The following SEMA3D variants were observed in gnomAD, a reference collection of about 807,000 sequenced individuals.
SEMA3D encodes the protein semaphorin-3D.
In SEMA3D, 84 loss-of-function variants were observed where a neutral mutation model predicts 100.1. That is an observed-to-expected ratio of 0.84 (90% confidence interval 0.70 to 1.01). The LOEUF (loss-of-function observed/expected upper bound fraction) is 1.01, where lower values mean the gene tolerates loss of function less well. Ranked by LOEUF, SEMA3D falls within the 50% of genes least tolerant of loss-of-function variation. The probability of loss-of-function intolerance (pLI) is 0.00; values close to 1 mark genes in which losing one functional copy is unlikely to be tolerated. For synonymous variants in SEMA3D, 312 were observed against 320.7 expected (o/e 0.97, Z 0.29); for missense variants, 875 against 934.1 (o/e 0.94, Z 0.82).
chr7:85,041,156 C>A (rs189525131), intron 10 of SEMA3D: 1 of 154,710 alleles, frequency 6.5e-6, no homozygotes, highest in African/African-American at 2.4e-5. Context: ...CTCCTGGGTT[C>A]AAGCAATTCT....
intron 18 of SEMA3D, among the ~76,000 whole-genome samples, chr7:85,003,015 A>G (rs954701948): frequency 2.0e-5 from 3 of 152,142 alleles, no homozygotes; most frequent in Non-Finnish European, 4.4e-5. Context: ...TCTAACAAAC[A>G]CAAAATATTA....
At chr7:85,185,921 C>T (rs901471284) in intron 1 of SEMA3D, among the ~76,000 whole-genome samples, 1 of 152,190 alleles carries the variant, frequency 6.6e-6, no homozygotes, top group African/African-American at 2.4e-5. Context: ...GCGAGCCAAG[C>T]CCACTACTAC....
chr7:85,068,506 G>C (rs527835745), intron 6 of SEMA3D, among the ~76,000 whole-genome samples: 32 of 152,178 alleles, frequency 2.1e-4, no homozygotes, highest in African/African-American at 7.0e-4. Flanking sequence ...ATATAATACT[G>C]AGTGAATTTT....
chr7:85,166,259 T>G lies in SEMA3D; in HGVS notation c.-172-12520A>C, dbSNP rs10248667. Among the ~76,000 whole-genome samples, 669 of 152,134 alleles carry G rather than the reference T, an allele frequency of 4.4e-3. 2 individuals are homozygous for G. The highest frequency in any genetic ancestry group is 0.015 in the African/African-American group (643 of 41,538). On this transcript the variant is annotated intron_variant, in intron 1 of 18. Coordinates refer to ENST00000284136, the MANE Select transcript of SEMA3D (RefSeq NM_001384900.1). ...ACGATGTTGATCTTACCAAATAAAG[T>G]TTTACTAACAATGATAAAGGTTCTT...
chr7:85,070,938 G>A (rs566291535), intron 6 of SEMA3D, among the ~76,000 whole-genome samples: 26 of 152,166 alleles, frequency 1.7e-4, no homozygotes, highest in Non-Finnish European at 2.6e-4. Flanking sequence ...ATGCCACCAC[G>A]CTCGGCTACA....
chr7:85,120,674 A>AT (rs2116400337), intron 3 of SEMA3D, among the ~76,000 whole-genome samples: 1 of 152,062 alleles, frequency 6.6e-6, no homozygotes, highest in South Asian at 2.1e-4. Flanking sequence ...CTCAAAAAAA[A>AT]AAAAAAAAAG....
chr7:85,041,062 CTT>C (rs72214529), intron 10 of SEMA3D: 1,324 of 151,404 alleles, frequency 8.7e-3, no homozygotes, highest in South Asian at 0.024. Context: ...ATTAATTTGC[CTT>C]TTTTTTTTTT....
chr7:85,098,616 C>T (rs545878311), intron 3 of SEMA3D, among the ~76,000 whole-genome samples: 13 of 151,872 alleles, frequency 8.6e-5, no homozygotes, highest in South Asian at 2.1e-4. Flanking sequence ...ATAGCTTCTC[C>T]CATCATCAGC....
At chr7:85,204,108 A>G in the SEMA3D span, among the ~76,000 whole-genome samples, 8 of 139,096 alleles carry the variant, frequency 5.8e-5, no homozygotes, top group Non-Finnish European at 9.9e-5. Context: ...AATTTATAAG[A>G]AAAAAAAACA....
chr7:85,017,039 C>T (rs1014621887), intron 15 of SEMA3D, among the ~76,000 whole-genome samples: 5 of 151,616 alleles, frequency 3.3e-5, no homozygotes, highest in African/African-American at 9.7e-5. Context: ...AGCCTTCCTG[C>T]CCTTTGAACA....
chr7:85,137,256 C>T (rs1166929885), intron 2 of SEMA3D, among the ~76,000 whole-genome samples: 1 of 151,202 alleles, frequency 6.6e-6, no homozygotes, highest in Non-Finnish European at 1.5e-5. Context: ...ACATAAAAGG[C>T]ATATATGATG....
At position 85,020,279 on chromosome 7, in the gene SEMA3D, T is replaced by G; in HGVS notation, c.1457A>C (p.Lys486Thr). The change falls in exon 14 of 19, where the codon AAG becomes ACG. Residue 486 changes from lysine (K) to threonine (T), a missense_variant. Coordinates refer to ENST00000284136, the MANE Select transcript of SEMA3D (RefSeq NM_001384900.1). ...VLKVVSISKEKWNMEEVVLEE... is the reference protein window; with the variant it reads ...VLKVVSISKETWNMEEVVLEE... ...CAGCACTACCTCTTCCATATTCCAC[T>G]TTTCCTTTGAAATGCTGACAACTTT... The G allele has an allele frequency of 1.9e-6, 3 of 1,610,046 alleles. No individual in the cohort carries two copies. The highest frequency in any genetic ancestry group is 2.5e-6 in the Non-Finnish European group (3 of 1,177,320).
At chr7:85,038,706 G>T (rs1790771835) in intron 11 of SEMA3D, among the ~76,000 whole-genome samples, 1 of 152,128 alleles carries the variant, frequency 6.6e-6, no homozygotes, top group Non-Finnish European at 1.5e-5. Context: ...GGTGCCAAGA[G>T]AACTAGGATT....
Position 84,996,545 on chromosome 7 carries a change from A to T in SEMA3D, c.*2895T>A, listed in dbSNP as rs969657786. The T allele has an allele frequency of 4.6e-5, 7 of 152,364 alleles. No homozygotes were observed. The East Asian group carries it at 5.8e-4, about 13-fold the overall frequency. 9.4% of individuals were successfully genotyped at this position (152,364 alleles called of 1,614,324 possible). ...GATGTAGTGTTTTGAGCTCTTTGGA[A>T]AAAAGGACTCTACATAAATTAATTA... is the stretch of plus-strand genomic sequence containing the variant. On this transcript the variant is annotated 3_prime_UTR_variant, in exon 19 of 19. Coordinates refer to ENST00000284136, the MANE Select transcript of SEMA3D (RefSeq NM_001384900.1).
At chr7:85,108,970 T>C (rs1789012173) in intron 3 of SEMA3D, among the ~76,000 whole-genome samples, 1 of 151,876 alleles carries the variant, frequency 6.6e-6, no homozygotes, top group African/African-American at 2.4e-5. Context: ...TGAGGACGCA[T>C]TGTAGACTTT....
intron 3 of SEMA3D, among the ~76,000 whole-genome samples, chr7:85,102,978 A>G (rs542937438): frequency 6.6e-6 from 1 of 152,222 alleles, no homozygotes; most frequent in South Asian, 2.1e-4. Flanking sequence ...TGACAATGCT[A>G]GCAGCAAAAC....
At chr7:85,202,620 A>T in the SEMA3D span, among the ~76,000 whole-genome samples, 1 of 152,126 alleles carries the variant, frequency 6.6e-6, no homozygotes, top group South Asian at 2.1e-4. Flanking sequence ...TCCAGAATCT[A>T]CAATGAACTC....
intron 6 of SEMA3D, among the ~76,000 whole-genome samples, chr7:85,068,735 A>T (rs2116163907): frequency 6.6e-6 from 1 of 152,262 alleles, no homozygotes; most frequent in East Asian, 1.9e-4. Flanking sequence ...ACTATGTCAA[A>T]TGACTTAAAC....
At chr7:85,133,633 C>G (rs558668635) in intron 2 of SEMA3D, among the ~76,000 whole-genome samples, 2 of 152,044 alleles carry the variant, frequency 1.3e-5, no homozygotes, top group South Asian at 4.1e-4. Context: ...GATTGCTCAG[C>G]CTACTGGTTA....
Sources: allele counts gnomAD v4.1 joint callset (sites outside exome capture counted in the v4.1 genomes callset), GRCh38; gene constraint gnomAD v4.1.1; transcripts MANE v1.5; gene names NCBI Gene and HGNC (gene_info 2026-07-23, HGNC 2026-07-21).